The following RIMS1 variants were observed in gnomAD, a reference collection of about 807,000 sequenced individuals.
The protein encoded by RIMS1 is regulating synaptic membrane exocytosis 1.
RIMS1 carries 83 observed loss-of-function variants against 214.1 expected under a neutral mutation model. The ratio of observed to expected loss-of-function variants is 0.39; its 90% CI spans 0.32 to 0.47. RIMS1 has a LOEUF of 0.47. RIMS1 is among the 20% of genes least tolerant of loss of function. The pLI, the probability that RIMS1 is intolerant of heterozygous loss-of-function variation, is 0.99. For missense variants in RIMS1, 2,050 were observed against 2,161.8 expected (o/e 0.95, Z 1.03); for synonymous variants, 793 against 786.8 (o/e 1.01, Z -0.13).
chr6:72,209,965 A>G (rs1400285213), intron 6 of RIMS1, among the ~76,000 whole-genome samples: 3 of 151,486 alleles, frequency 2.0e-5, no homozygotes, highest in Admixed American at 6.6e-5. Flanking sequence ...CCTCCATATG[A>G]TTATGTAGAG....
intron 6 of RIMS1, among the ~76,000 whole-genome samples, chr6:72,214,772 C>T (rs527554784): frequency 2.1e-4 from 32 of 151,664 alleles, no homozygotes; most frequent in African/African-American, 7.5e-4. Context: ...CCCAGGCTGG[C>T]GTGCAATGGT....
Position 72,307,427 on chromosome 6 carries a change from A to G in RIMS1, c.3963+57A>G. ...CCTTTTAAAAATGTGTAGTGTGTGT[A>G]CCAGGCAGGATTAGAAAGCACCGAA... On this transcript the variant is annotated intron_variant, in intron 27 of 33. Coordinates refer to ENST00000521978, the MANE Select transcript of RIMS1 (RefSeq NM_014989.7). 1.8e-6 allele frequency: 2 copies of G among 1,126,436 alleles called. 1 individual carries two copies. The highest frequency in any genetic ancestry group is 3.0e-5 in the South Asian group (2 of 67,654). The allele number at this position is 1,126,436 out of a possible 1,614,324, so 69.8% of individuals were successfully genotyped here.
At chr6:72,355,802 A>G (rs2097611824) in intron 29 of RIMS1, among the ~76,000 whole-genome samples, 1 of 152,172 alleles carries the variant, frequency 6.6e-6, no homozygotes, top group South Asian at 2.1e-4. Flanking sequence ...CCTGTCATTT[A>G]TAACCATCTT....
intron 1 of RIMS1, among the ~76,000 whole-genome samples, chr6:71,951,273 C>G (rs1789426095): frequency 6.6e-6 from 1 of 152,004 alleles, no homozygotes; most frequent in Non-Finnish European, 1.5e-5. Flanking sequence ...TCAACTTCAA[C>G]TTGGTTAGCT....
intron 2 of RIMS1, among the ~76,000 whole-genome samples, chr6:72,087,875 T>C (rs1474251712): frequency 6.6e-6 from 1 of 152,244 alleles, no homozygotes; most frequent in Non-Finnish European, 1.5e-5. Context: ...TTGGCACCCA[T>C]CAAATGGAAA....
chr6:72,304,394 T>C (rs913970788), intron 26 of RIMS1, among the ~76,000 whole-genome samples: 2 of 151,816 alleles, frequency 1.3e-5, no homozygotes, highest in African/African-American at 4.8e-5. Flanking sequence ...TTACTTATAC[T>C]AAGATACTAG....
At chr6:71,972,939 G>A (rs926664509) in intron 2 of RIMS1, among the ~76,000 whole-genome samples, 2 of 152,094 alleles carry the variant, frequency 1.3e-5, no homozygotes, top group East Asian at 1.9e-4. Flanking sequence ...TTTTTGAGAC[G>A]GAGTCTTGCT....
chr6:72,141,999 C>T (rs1277153888), intron 4 of RIMS1, among the ~76,000 whole-genome samples: 1 of 151,884 alleles, frequency 6.6e-6, no homozygotes, highest in Non-Finnish European at 1.5e-5. Flanking sequence ...TTATATTATG[C>T]TTTTAAAACA....
At chr6:72,301,553 T>C (rs920680140) in intron 26 of RIMS1, among the ~76,000 whole-genome samples, 28 of 151,634 alleles carry the variant, frequency 1.8e-4, no homozygotes, top group Non-Finnish European at 3.4e-4. Context: ...CACTTTTTTT[T>C]CTTGTCATTA....
At chr6:72,271,571 G>GAAAGAC (rs934194158) in intron 22 of RIMS1, among the ~76,000 whole-genome samples, 3 of 151,800 alleles carry the variant, frequency 2.0e-5, no homozygotes, top group African/African-American at 7.3e-5. Context: ...ATGCACCATT[G>GAAAGAC]AAAGACGTGT....
intron 2 of RIMS1, among the ~76,000 whole-genome samples, chr6:71,990,027 A>G (rs1801127536): frequency 6.6e-6 from 1 of 152,196 alleles, no homozygotes; most frequent in Admixed American, 6.5e-5. Context: ...CTCTCATGGA[A>G]GCCATCTCTG....
intron 2 of RIMS1, among the ~76,000 whole-genome samples, chr6:72,030,491 A>G (rs1436883833): frequency 1.3e-5 from 2 of 152,188 alleles, no homozygotes; most frequent in Non-Finnish European, 2.9e-5. Flanking sequence ...GTTAAAATTT[A>G]TAATTGCAGT....
In RIMS1 at chr6:71,933,687, C is replaced by CACAA. The variant is rs910122653; in HGVS notation, c.165-35293_165-35292insAACA. Among the ~76,000 whole-genome samples, 16 of 147,950 alleles carry CACAA rather than the reference C, an allele frequency of 1.1e-4. No individual in the cohort carries two copies. In the East Asian group the frequency reaches 3.1e-3, roughly 29 times the overall value. ...GTCTATCAGCTCTTCCTCAATCACA[C>CACAA]ACACACACACACACACACACACACA... is the stretch of plus-strand genomic sequence containing the variant. On this transcript the variant is annotated intron_variant, in intron 1 of 33. Transcript: ENST00000521978.
At chr6:72,210,769 C>T (rs189373129) in intron 6 of RIMS1, among the ~76,000 whole-genome samples, 1 of 152,174 alleles carries the variant, frequency 6.6e-6, no homozygotes, top group South Asian at 2.1e-4. Flanking sequence ...GTTTCCTCAT[C>T]TGTAACATGG....
intron 29 of RIMS1, among the ~76,000 whole-genome samples, chr6:72,388,115 T>C (rs1238713809): frequency 6.6e-6 from 1 of 152,172 alleles, no homozygotes; most frequent in African/African-American, 2.4e-5. Flanking sequence ...TAAATTCTAA[T>C]TGGAAAACAG....
intron 2 of RIMS1, among the ~76,000 whole-genome samples, chr6:72,048,717 T>C (rs1247718505): frequency 6.6e-6 from 1 of 152,202 alleles, no homozygotes; most frequent in Non-Finnish European, 1.5e-5. Flanking sequence ...GTTATTTTCT[T>C]ACCTTTAAAA....
rs115419536 is a variant in RIMS1, at chr6:72,196,051, G to C, written c.1678+12902G>C. Among the ~76,000 whole-genome samples the C allele has an allele frequency of 4.3e-3, 661 of 152,158 alleles. 6 individuals carry two copies. Among genetic ancestry groups the C allele is most frequent in the African/African-American group, 0.016 (646 of 41,508 alleles). Reference sequence around the variant, plus strand: ...CTGGGTCTCTCTATTGATACATGTGGATCATGGGGATTACAATTCAAGATG... The same window carrying C: ...CTGGGTCTCTCTATTGATACATGTGCATCATGGGGATTACAATTCAAGATG... On this transcript the variant is annotated intron_variant, in intron 6 of 33. Coordinates refer to ENST00000521978, the MANE Select transcript of RIMS1 (RefSeq NM_014989.7).
At chr6:71,947,643 C>T (rs770060066) in intron 1 of RIMS1, among the ~76,000 whole-genome samples, 12 of 151,780 alleles carry the variant, frequency 7.9e-5, no homozygotes, top group African/African-American at 1.2e-4. Context: ...TGATGGCTGC[C>T]GTTAATAACA....
intron 1 of RIMS1, among the ~76,000 whole-genome samples, chr6:71,906,936 G>T (rs1481775351): frequency 2.0e-5 from 3 of 152,038 alleles, no homozygotes; most frequent in Non-Finnish European, 4.4e-5. Context: ...ACATCTCTTT[G>T]AGTATAAAGA....
Sources: gnomAD v4.1 joint callset for allele counts (sites outside exome capture counted in the v4.1 genomes callset) on GRCh38, gnomAD v4.1.1 for gene constraint, MANE v1.5 for transcripts, NCBI Gene and HGNC (gene_info 2026-07-23, HGNC 2026-07-21) for gene names.